GRM8: variants seen among roughly 807,000 people sequenced by gnomAD.
GRM8 encodes the protein glutamate metabotropic receptor 8.
In GRM8, 47 loss-of-function variants were observed where a neutral mutation model predicts 87.2. The observed-to-expected ratio is 0.54, with a 90% CI of 0.43 to 0.69. GRM8 has a LOEUF of 0.69. GRM8 is among the 30% of genes least tolerant of loss of function. GRM8 has a pLI of 0.00. For missense variants in GRM8, 1,019 were observed against 1,139.2 expected (o/e 0.89, Z 1.52); for synonymous variants, 396 against 404.5 (o/e 0.98, Z 0.25).
chr7:126,619,231 G>C (rs977259075), intron 7 of GRM8, among the ~76,000 whole-genome samples: 1 of 152,248 alleles, frequency 6.6e-6, no homozygotes, highest in South Asian at 2.1e-4. Flanking sequence ...GTAGGGACAT[G>C]GATGAAGCTG....
intron 6 of GRM8, among the ~76,000 whole-genome samples, chr7:126,817,569 T>A (rs757990856): frequency 4.6e-4 from 70 of 152,192 alleles, no homozygotes; most frequent in Non-Finnish European, 8.1e-4. Context: ...ATTATCGATG[T>A]ACAGTTACCA....
intron 9 of GRM8, among the ~76,000 whole-genome samples, chr7:126,483,763 C>CCCTCCCTCCCTT (rs1563057738): frequency 1.5e-5 from 1 of 66,580 alleles, no homozygotes; most frequent in Non-Finnish European, 3.0e-5. Flanking sequence ...CTCCCTCCCT[C>CCCTCCCTCCCTT]CCTCCCTCCC....
Position 126,906,283 on chromosome 7 carries a change from C to A in GRM8, c.728-1600G>T, listed in dbSNP as rs190230751. ...CCTCCAGAACTGTAAAAATAAATTA[C>A]TATTGATTAAGCCACCCAGTATATG... is the stretch of plus-strand genomic sequence containing the variant. On this transcript the variant is annotated intron_variant, in intron 3 of 10. Transcript: ENST00000339582. Among the ~76,000 whole-genome samples the A allele has an allele frequency of 1.4e-3, 209 of 152,178 alleles. 1 individual carries two copies. The highest frequency in any genetic ancestry group is 5.0e-3 in the African/African-American group (206 of 41,494).
chr7:127,007,804 T>C (rs1289600254), intron 3 of GRM8, among the ~76,000 whole-genome samples: 2 of 151,992 alleles, frequency 1.3e-5, no homozygotes, highest in Admixed American at 1.3e-4. Context: ...GACTCAGAAG[T>C]CAGAGATGCC....
At chr7:126,700,060 C>T (rs79032110) in intron 7 of GRM8, among the ~76,000 whole-genome samples, 1 of 152,104 alleles carries the variant, frequency 6.6e-6, no homozygotes, top group African/African-American at 2.4e-5. Flanking sequence ...CCAAGGCACA[C>T]ACACTGTTCA....
intron 6 of GRM8, among the ~76,000 whole-genome samples, chr7:126,893,130 T>C (rs1586351657): frequency 1.3e-5 from 2 of 152,096 alleles, no homozygotes; most frequent in African/African-American, 4.8e-5. Flanking sequence ...AATAAAGTGC[T>C]TTCCCCTCAA....
chr7:127,036,393 A>T (rs1817845684), intron 3 of GRM8, among the ~76,000 whole-genome samples: 1 of 152,214 alleles, frequency 6.6e-6, no homozygotes, highest in Non-Finnish European at 1.5e-5. Flanking sequence ...GTTAAGGAAG[A>T]TGACTGTTAA....
chr7:127,072,832 A>G (rs1326203347), intron 3 of GRM8, among the ~76,000 whole-genome samples: 1 of 152,074 alleles, frequency 6.6e-6, no homozygotes, highest in East Asian at 1.9e-4. Flanking sequence ...CATTATTTTT[A>G]GGGAGTTCTT....
intron 7 of GRM8, among the ~76,000 whole-genome samples, chr7:126,699,198 C>T (rs1441556531): frequency 6.6e-6 from 1 of 152,072 alleles, no homozygotes; most frequent in Admixed American, 6.6e-5. Flanking sequence ...CCATCAAAGG[C>T]ATGAAAGGAA....
At chr7:126,678,796 T>C (rs1338330179) in intron 7 of GRM8, among the ~76,000 whole-genome samples, 2 of 152,228 alleles carry the variant, frequency 1.3e-5, no homozygotes, top group African/African-American at 4.8e-5. Flanking sequence ...CAAAATTGAC[T>C]AACAGTGAGG....
chr7:126,871,905 G>A (rs987134987), intron 6 of GRM8, among the ~76,000 whole-genome samples: 1 of 152,182 alleles, frequency 6.6e-6, no homozygotes, highest in Non-Finnish European at 1.5e-5. Flanking sequence ...AGACAACTTT[G>A]TGGTTGATCA....
At chr7:126,687,574 T>A (rs986314836) in intron 7 of GRM8, among the ~76,000 whole-genome samples, 1 of 151,686 alleles carries the variant, frequency 6.6e-6, no homozygotes, top group Non-Finnish European at 1.5e-5. Flanking sequence ...TTATGCCTTG[T>A]TGTAAATGGA....
intron 3 of GRM8, among the ~76,000 whole-genome samples, chr7:127,088,758 G>A (rs1823754397): frequency 6.6e-6 from 1 of 152,196 alleles, no homozygotes; most frequent in Non-Finnish European, 1.5e-5. Context: ...TTAGCTTTAA[G>A]AAATGACACC....
chr7:126,570,952 C>T (rs1794641177), intron 8 of GRM8, among the ~76,000 whole-genome samples: 1 of 152,126 alleles, frequency 6.6e-6, no homozygotes, highest in Non-Finnish European at 1.5e-5. Flanking sequence ...TGATGTTTGT[C>T]ACTTTTTTTC....
chr7:126,618,968 A>C (rs537320581), intron 7 of GRM8, among the ~76,000 whole-genome samples: 1 of 152,346 alleles, frequency 6.6e-6, no homozygotes, highest in South Asian at 2.1e-4. Flanking sequence ...CAGTGTGGTG[A>C]TTCCTCAAGG....
At chr7:126,509,661 A>G (rs538303094) in intron 9 of GRM8, among the ~76,000 whole-genome samples, 1 of 152,146 alleles carries the variant, frequency 6.6e-6, no homozygotes, top group East Asian at 1.9e-4. Context: ...TTTTAAAATG[A>G]GGCTTAATTG....
intron 6 of GRM8, among the ~76,000 whole-genome samples, chr7:126,885,771 G>C (rs527620638): frequency 2.0e-5 from 3 of 152,162 alleles, no homozygotes; most frequent in African/African-American, 7.2e-5. Context: ...ACCCTCCAGG[G>C]GTGAGATAAA....
chr7:126,980,359 C>A (rs2131850024), intron 3 of GRM8, among the ~76,000 whole-genome samples: 1 of 152,208 alleles, frequency 6.6e-6, no homozygotes, highest in East Asian at 1.9e-4. Flanking sequence ...TAGTTTGTAT[C>A]ATTTTTAGCT....
Position 126,904,096 on chromosome 7 carries a change from G to A in GRM8, c.894C>T (p.Asn298=). 6.2e-7 allele frequency: 1 copy of A among 1,611,586 alleles called. No individual in the cohort carries two copies. The highest frequency in any genetic ancestry group is 8.5e-7 in the Non-Finnish European group (1 of 1,178,544). The change falls in exon 5 of 11, where the codon AAC becomes AAT. Residue 298 remains asparagine (N), a synonymous_variant. Transcript: ENST00000339582. The stretch of plus-strand genomic sequence containing the variant: ...CAATCCAGAGAAAATGCCCACTTTG[G>A]TTTAGTTTTTTTGCTGCTTCCAATA... ...RRILEAAKKL[N]QSGHFLWIGS...
Sources: gnomAD v4.1 joint callset for allele counts (sites outside exome capture counted in the v4.1 genomes callset) on GRCh38, gnomAD v4.1.1 for gene constraint, MANE v1.5 for transcripts, NCBI Gene and HGNC (gene_info 2026-07-23, HGNC 2026-07-21) for gene names.